Variants in CLCA4 observed in about 807,000 individuals in gnomAD.
CLCA4 encodes the protein chloride channel accessory 4.
CLCA4 carries 69 observed loss-of-function variants against 78.9 expected under a neutral mutation model. The ratio of observed to expected loss-of-function variants is 0.87; its 90% CI spans 0.72 to 1.07. The LOEUF (loss-of-function observed/expected upper bound fraction) is 1.07. CLCA4 is among the 50% of genes least tolerant of loss of function. The probability of loss-of-function intolerance (pLI) is 0.00; values close to 1 mark genes in which losing one functional copy is unlikely to be tolerated. For synonymous variants in CLCA4, 362 were observed against 375.8 expected (o/e 0.96, Z 0.42); for missense variants, 1,133 against 1,095.8 (o/e 1.03, Z -0.48).
chr1:86,574,514 A>T, intron 9 of CLCA4, 26 bp from the exon 10 acceptor site: 1 of 1,556,910 alleles, frequency 6.4e-7, no homozygotes, highest in South Asian at 1.1e-5. Context: ...TTCTGCAGTC[A>T]TTAATTTTGA....
At chr1:86,567,215 A>C (rs1650224842) in intron 6 of CLCA4, among the ~76,000 whole-genome samples, 1 of 151,922 alleles carries the variant, frequency 6.6e-6, no homozygotes, top group Admixed American at 6.6e-5. Flanking sequence ...GTAAATAAAA[A>C]CCTGCACTCC....
rs202067069 is a variant in CLCA4 at position 86,572,667 on chromosome 1, G to A, written c.1414G>A (p.Ala472Thr). 1.0e-4 allele frequency: 164 copies of A among 1,609,796 alleles called. No individual in the cohort carries two copies. In the African/African-American group the frequency reaches 2.0e-3, roughly 20 times the overall value. ...AGCTCAGAACAATGGCCTCATTGATGCTTTTGGGGCTCTTACATCAGGAAA... is the reference window on the plus strand; with the variant it reads ...AGCTCAGAACAATGGCCTCATTGATACTTTTGGGGCTCTTACATCAGGAAA... ...DEAQNNGLID[A>T]FGALTSGNTD... is the part of the protein sequence containing the mutation. The change falls in exon 9 of 14, where the codon GCT (alanine) becomes ACT (threonine). Residue 472 changes from alanine (A) to threonine (T), a missense_variant. Transcript: ENST00000370563.
intron 5 of CLCA4, 122 bp from the exon 6 acceptor site, chr1:86,565,680 T>C: frequency 1.5e-6 from 1 of 649,360 alleles, no homozygotes; most frequent in Non-Finnish European, 2.5e-6. Context: ...TGATGCTCAG[T>C]AAATGATATT....
Position 86,565,854 on chromosome 1 carries a change from A to C in CLCA4, c.788A>C (p.Gln263Pro). 1 of 1,601,786 alleles carries C rather than the reference A, an allele frequency of 6.2e-7. No homozygotes were observed. The highest frequency in any genetic ancestry group is 2.3e-5 in the East Asian group (1 of 44,430). Residue 263 changes from glutamine (Q) to proline (P), a missense_variant, in exon 6 of 14, where the codon CAA (glutamine) becomes CCA (proline). By Grantham distance (76) the Gln-to-Pro change is moderately conservative. Coordinates refer to ENST00000370563, the MANE Select transcript of CLCA4 (RefSeq NM_012128.4). ...CATAATCAAGAAGCTCCAAGCCTAC[A>C]AAACATAAAGTGCAATTTTAGAAGT... ...KTHNQEAPSLQNIKCNFRSTW... is the reference protein window; with the variant it reads ...KTHNQEAPSLPNIKCNFRSTW...
chr1:86,561,729 G>A (rs961544697), intron 3 of CLCA4, among the ~76,000 whole-genome samples: 1 of 151,992 alleles, frequency 6.6e-6, no homozygotes, highest in Admixed American at 6.6e-5. Context: ...GAACAGAAAG[G>A]CTTCTCCAAT....
intron 1 of CLCA4, chr1:86,552,738 C>G: frequency 7.0e-7 from 1 of 1,433,534 alleles, no homozygotes; most frequent in Non-Finnish European, 9.8e-7. Flanking sequence ...GGGCCCGGCC[C>G]GGCACCCCCA....
intron 1 of CLCA4, among the ~76,000 whole-genome samples, chr1:86,555,475 G>T (rs1022374626): frequency 3.3e-5 from 5 of 152,160 alleles, no homozygotes; most frequent in Admixed American, 1.3e-4. Flanking sequence ...CCCATTGCTT[G>T]TTTTTGTCAG....
At position 86,580,354 on chromosome 1, in the gene CLCA4, G is replaced by A. The variant is rs374868458; in HGVS notation, c.*9G>A. The A allele has an allele frequency of 1.7e-4, 268 of 1,545,888 alleles. 1 individual carries two copies. The highest frequency in any genetic ancestry group is 2.1e-4 in the Non-Finnish European group (241 of 1,153,074). ...TAAGTACCACCATTTGAACCTTAACGAAGAAAAAAATCTTCAAGTAGACCT... is the reference window on the plus strand; with the variant it reads ...TAAGTACCACCATTTGAACCTTAACAAAGAAAAAAATCTTCAAGTAGACCT... On this transcript the variant is annotated 3_prime_UTR_variant, in exon 14 of 14. Transcript: ENST00000370563.
chr1:86,564,432 G>A (rs1423203063), intron 4 of CLCA4, among the ~76,000 whole-genome samples: 1 of 152,056 alleles, frequency 6.6e-6, no homozygotes, highest in Non-Finnish European at 1.5e-5. Context: ...CTTTTAGAGA[G>A]TATTACATTT....
At chr1:86,578,319 T>G (rs1650588890) in intron 12 of CLCA4, among the ~76,000 whole-genome samples, 1 of 152,020 alleles carries the variant, frequency 6.6e-6, no homozygotes, top group Admixed American at 6.6e-5. Flanking sequence ...ACTTTCAGTT[T>G]AGGTTTGAGG....
intron 1 of CLCA4, chr1:86,553,105 C>A: frequency 1.3e-6 from 1 of 743,530 alleles, no homozygotes; most frequent in Non-Finnish European, 2.4e-6. Context: ...CTGGGGTGTG[C>A]GCCGTATCCC....
chr1:86,554,563 C>T (rs963564693), intron 1 of CLCA4, among the ~76,000 whole-genome samples: 2 of 152,116 alleles, frequency 1.3e-5, no homozygotes, highest in African/African-American at 4.8e-5. Flanking sequence ...CCATGCCCGG[C>T]CCTGTACCAC....
In CLCA4 at chr1:86,579,568, T is replaced by C; in HGVS notation, c.2337T>C (p.Asp779=). ...KIILTWTAPG[D]NFDVGKVQRY... ...TTCTTACATGGACAGCACCAGGAGATAATTTTGATGTTGGAAAAGGTAAGG... is the reference window on the plus strand; with the variant it reads ...TTCTTACATGGACAGCACCAGGAGACAATTTTGATGTTGGAAAAGGTAAGG... The change falls in exon 13 of 14, where the codon GAT becomes GAC. Residue 779 remains aspartate (D), a synonymous_variant. Transcript: ENST00000370563. 1 of 1,612,312 alleles carries C rather than the reference T, an allele frequency of 6.2e-7. No individual in the cohort carries two copies. Among genetic ancestry groups the C allele is most frequent in the Non-Finnish European group, 8.5e-7 (1 of 1,178,898 alleles).
chr1:86,553,268 C>T (rs1649719809), intron 1 of CLCA4: 1 of 845,060 alleles, frequency 1.2e-6, no homozygotes, highest in Non-Finnish European at 1.9e-6. Context: ...AGGACACGGT[C>T]TTCAAGCCGG....
chr1:86,552,773 G>C, intron 1 of CLCA4: 1 of 1,361,470 alleles, frequency 7.3e-7, no homozygotes, highest in Admixed American at 1.7e-5. Context: ...ACTGTGTCCA[G>C]GTTGTAGTAG....
chr1:86,576,095 G>A (rs1319380937), intron 11 of CLCA4, among the ~76,000 whole-genome samples: 3 of 151,844 alleles, frequency 2.0e-5, no homozygotes, highest in East Asian at 1.9e-4. Flanking sequence ...CCGTCTCAAC[G>A]ACAACAAAAA....
At chr1:86,576,955 C>T (rs974685124) in intron 11 of CLCA4, among the ~76,000 whole-genome samples, 13 of 151,912 alleles carry the variant, frequency 8.6e-5, no homozygotes, top group Admixed American at 6.6e-5. Flanking sequence ...GATAGGCACC[C>T]GAATTAACAA....
intron 1 of CLCA4, among the ~76,000 whole-genome samples, chr1:86,549,420 A>G (rs1335622191): frequency 6.6e-6 from 1 of 152,212 alleles, no homozygotes; most frequent in Non-Finnish European, 1.5e-5. Flanking sequence ...CTCTGTGATG[A>G]AAATCCATAG....
At chr1:86,577,097 A>G (rs372284391) in intron 11 of CLCA4, among the ~76,000 whole-genome samples, 6 of 152,214 alleles carry the variant, frequency 3.9e-5, no homozygotes, top group Admixed American at 3.9e-4. Context: ...CCTTCTTCAG[A>G]TATATCAATA....
Sources: allele counts gnomAD v4.1 joint callset (sites outside exome capture counted in the v4.1 genomes callset), GRCh38; gene constraint gnomAD v4.1.1; transcripts MANE v1.5; gene names NCBI Gene and HGNC (gene_info 2026-07-23, HGNC 2026-07-21).